The following ABHD2 variants were observed in gnomAD, a reference collection of about 807,000 sequenced individuals.
The protein encoded by ABHD2 is monoacylglycerol lipase ABHD2.
In ABHD2, 20 loss-of-function variants were observed where a neutral mutation model predicts 48.1. The observed-to-expected ratio is 0.42, with a 90% CI of 0.29 to 0.60. The LOEUF (loss-of-function observed/expected upper bound fraction) is 0.60. Among genes scored for constraint, ABHD2 ranks in the 20% least tolerant of loss-of-function variants. The pLI, the probability that ABHD2 is intolerant of heterozygous loss-of-function variation, is 0.24. For synonymous variants in ABHD2, 209 were observed against 214.2 expected, an observed-to-expected ratio of 0.98 and a Z score of 0.21; for missense variants, 405 against 550.9, an observed-to-expected ratio of 0.74 and a Z score of 2.65.
rs565464418 is a variant in ABHD2 at position 89,147,773 on chromosome 15, A to G, written c.195-3904A>G. Among the ~76,000 whole-genome samples, 21 of 152,062 alleles carry G rather than the reference A, an allele frequency of 1.4e-4. No homozygotes were observed. In the South Asian group the frequency reaches 4.1e-3, roughly 30 times the overall value. ...CATAAAAGATACTTTTAACTATAAAAGATATTTTTATAACTATAAAAGATA... is the reference window on the plus strand; with the variant it reads ...CATAAAAGATACTTTTAACTATAAAGGATATTTTTATAACTATAAAAGATA... On this transcript the variant is annotated intron_variant, in intron 3 of 10. Transcript: ENST00000352732.
In ABHD2 at chr15:89,199,994, A is replaced by T. The variant is rs1437901167; in HGVS notation, c.*4571A>T. The T allele has an allele frequency of 1.3e-5, 2 of 152,634 alleles. No individual in the cohort carries two copies. The highest frequency in any genetic ancestry group is 2.4e-5 in the African/African-American group (1 of 41,454). 9.5% of individuals were successfully genotyped at this position (152,634 alleles called of 1,614,324 possible). Reference sequence around the variant, plus strand: ...CTGCTGCCTCGGAACGCTGCAGCCCAGGCTTCCTCCCACAGTGGCCCTTGG... The same window carrying T: ...CTGCTGCCTCGGAACGCTGCAGCCCTGGCTTCCTCCCACAGTGGCCCTTGG... On this transcript the variant is annotated 3_prime_UTR_variant, in exon 11 of 11. Transcript: ENST00000352732. This position sits in a 1 kb window ranked among gnomAD's most constrained non-coding sequence, Gnocchi z 4.1.
intron 1 of ABHD2, among the ~76,000 whole-genome samples, chr15:89,110,106 C>T (rs1054348618): frequency 4.0e-5 from 6 of 151,264 alleles, no homozygotes; most frequent in African/African-American, 1.2e-4. Flanking sequence ...TTTTTTAAGA[C>T]GGACTCTCAC....
At position 89,176,078 on chromosome 15, in the gene ABHD2, G is replaced by A; in HGVS notation, c.722+83G>A. On this transcript the variant is annotated intron_variant, in intron 6 of 10. Coordinates refer to ENST00000352732, the MANE Select transcript of ABHD2 (RefSeq NM_152924.5). The surrounding 1 kb of genome is among the most constrained non-coding windows in gnomAD (Gnocchi z 4.5). ...CCCGACGCACAACACACTGTTCTGT[G>A]AAGACCGGGGAACACTGTGGCCGAC... 1 of 1,389,776 alleles carries A rather than the reference G, an allele frequency of 7.2e-7. No homozygotes were observed. The highest frequency in any genetic ancestry group is 9.7e-7 in the Non-Finnish European group (1 of 1,026,082). The allele number at this position is 1,389,776 out of a possible 1,614,324, so 86.1% of individuals were successfully genotyped here. A position where few individuals can be genotyped will look rare whatever the true frequency, so the allele number is the denominator to read the frequency against.
Position 89,168,662 on chromosome 15 carries a change from A to G in ABHD2, c.539-7150A>G, listed in dbSNP as rs143780089. On this transcript the variant is annotated intron_variant, in intron 5 of 10. Transcript: ENST00000352732. The surrounding 1 kb of genome is among the most constrained non-coding windows in gnomAD (Gnocchi z 4.8). ...CCAAAGTGCCTACACAATTAGCTGT[A>G]ATTGCTCCTCAGTAGTGTAGCAAAT... is the stretch of plus-strand genomic sequence containing the variant. 1.6e-3 allele frequency among the ~76,000 whole-genome samples: 250 copies of G among 152,370 alleles called. 1 individual carries two copies. The highest frequency in any genetic ancestry group is 5.7e-3 in the African/African-American group (239 of 41,594).
chr15:89,105,539 C>T (rs1430200848), intron 1 of ABHD2, among the ~76,000 whole-genome samples: 2 of 152,236 alleles, frequency 1.3e-5, no homozygotes, highest in Admixed American at 1.3e-4. Flanking sequence ...ATCTTGAATA[C>T]AACAAAGGGC....
rs2051255998 is a variant in ABHD2, at chr15:89,188,768, A to G, written c.926+465A>G. Among the ~76,000 whole-genome samples, 1 of 151,872 alleles carries G rather than the reference A, an allele frequency of 6.6e-6. No individual in the cohort carries two copies. Among genetic ancestry groups the G allele is most frequent in the East Asian group, 1.9e-4 (1 of 5,140 alleles). ...GTCTCATGCCTGTAATCCTAGGAGG[A>G]TTTGGGAGGTCATGGGGGAAAGATC... is the stretch of plus-strand genomic sequence containing the variant. On this transcript the variant is annotated intron_variant, in intron 8 of 10. Coordinates refer to ENST00000352732, the MANE Select transcript of ABHD2 (RefSeq NM_152924.5). The surrounding 1 kb of genome is among the most constrained non-coding windows in gnomAD (Gnocchi z 4.1).
At chr15:89,127,767 T>C (rs2150837772) in intron 3 of ABHD2, among the ~76,000 whole-genome samples, 1 of 144,810 alleles carries the variant, frequency 6.9e-6, no homozygotes, top group Non-Finnish European at 1.5e-5. Flanking sequence ...AGTCAATTAG[T>C]AATATTTAGT....
intron 5 of ABHD2, among the ~76,000 whole-genome samples, chr15:89,161,166 T>C (rs1311630547): frequency 6.6e-6 from 1 of 152,114 alleles, no homozygotes; most frequent in African/African-American, 2.4e-5. Flanking sequence ...TAGCCAAGGT[T>C]TTTCAGAGCC....
At chr15:89,075,189 A>C in the ABHD2 span, 1 of 152,194 alleles carries the variant, frequency 6.6e-6, no homozygotes. The surrounding 1 kb of genome is among the most constrained non-coding windows in gnomAD (Gnocchi z 4.1). Flanking sequence ...CTATCATGTA[A>C]GTAAGGCAAT....
intron 5 of ABHD2, among the ~76,000 whole-genome samples, chr15:89,160,683 A>G (rs547474612): frequency 6.6e-6 from 1 of 152,284 alleles, no homozygotes; most frequent in Non-Finnish European, 1.5e-5. Context: ...CTGTGTCTCC[A>G]TCATTATGGT....
intron 3 of ABHD2, among the ~76,000 whole-genome samples, chr15:89,148,766 A>T (rs967660043): frequency 6.6e-6 from 1 of 152,248 alleles, no homozygotes; most frequent in South Asian, 2.1e-4. Context: ...GAAGAATGGA[A>T]TAAGTGGAAT....
intron 3 of ABHD2, among the ~76,000 whole-genome samples, chr15:89,117,982 T>A (rs1049779357): frequency 1.3e-5 from 2 of 152,162 alleles, no homozygotes; most frequent in African/African-American, 4.8e-5. Context: ...ACACTATAAA[T>A]GTCATCATAC....
chr15:89,157,082 C>A (rs2050686668), intron 5 of ABHD2, among the ~76,000 whole-genome samples: 2 of 152,102 alleles, frequency 1.3e-5, no homozygotes, highest in Admixed American at 1.3e-4. Context: ...GATGTTTAAT[C>A]TGTTTAAGAG....
intron 3 of ABHD2, among the ~76,000 whole-genome samples, chr15:89,130,342 C>A (rs2050199468): frequency 6.6e-6 from 1 of 152,192 alleles, no homozygotes; most frequent in Non-Finnish European, 1.5e-5. Context: ...ACACCTGCTT[C>A]CGTGGTCATC....
the ABHD2 span, among the ~76,000 whole-genome samples, chr15:89,044,810 T>A: frequency 1.3e-5 from 2 of 152,184 alleles, no homozygotes; most frequent in Non-Finnish European, 2.9e-5. Flanking sequence ...ATTAGCCCCT[T>A]GTCAGATGAG....
intron 5 of ABHD2, among the ~76,000 whole-genome samples, chr15:89,156,964 A>G (rs1338635319): frequency 1.3e-5 from 2 of 152,202 alleles, no homozygotes; most frequent in South Asian, 4.1e-4. Flanking sequence ...TATTTCTTCC[A>G]ACTACCCTTC....
rs752983004 is a variant in ABHD2, at chr15:89,167,225, C to T, written c.539-8587C>T. ...TAAACATAGGTGTTTCGATAAGCTT[C>T]TCATATCTACCATTTTCATTGGTGT... On this transcript the variant is annotated intron_variant, in intron 5 of 10. Coordinates refer to ENST00000352732, the MANE Select transcript of ABHD2 (RefSeq NM_152924.5). The surrounding 1 kb of genome is among the most constrained non-coding windows in gnomAD (Gnocchi z 5.5). Among the ~76,000 whole-genome samples the T allele has an allele frequency of 3.9e-5, 6 of 152,178 alleles. No homozygotes were observed. The highest frequency in any genetic ancestry group is 5.9e-5 in the Non-Finnish European group (4 of 68,040).
At chr15:89,193,203 T>C in intron 9 of ABHD2, 32 bp from the exon 10 acceptor site, 1 of 1,600,636 alleles carries the variant, frequency 6.2e-7, no homozygotes, top group Non-Finnish European at 8.6e-7. Context: ...TGGGAATCAG[T>C]AGTTTAATTC....
the ABHD2 span, among the ~76,000 whole-genome samples, chr15:89,078,625 A>G: frequency 6.6e-6 from 1 of 152,180 alleles, no homozygotes; most frequent in African/African-American, 2.4e-5. Flanking sequence ...ATTGCTTACA[A>G]GGAAATTTTT....
Sources: gnomAD v4.1 joint callset for allele counts (sites outside exome capture counted in the v4.1 genomes callset) on GRCh38, gnomAD v4.1.1 for gene constraint, Gnocchi (gnomAD v3.1) non-coding constraint, MANE v1.5 for transcripts, NCBI Gene and HGNC (gene_info 2026-07-23, HGNC 2026-07-21) for gene names.